Variants in ALG8 observed in about 807,000 individuals in gnomAD.
ALG8 encodes the protein ALG8 alpha-1,3-glucosyltransferase, also known as dolichyl pyrophosphate Glc1Man9GlcNAc2 alpha-1,3-glucosyltransferase.
ALG8 carries 48 observed loss-of-function variants against 70.2 expected under a neutral mutation model. The ratio of observed to expected loss-of-function variants is 0.68; its 90% CI spans 0.54 to 0.87. The LOEUF (loss-of-function observed/expected upper bound fraction) is 0.87. ALG8 is among the 40% of genes least tolerant of loss of function. The pLI is 0.00. For missense variants in ALG8, 572 were observed against 608.7 expected, an observed-to-expected ratio of 0.94 and a Z score of 0.64; for synonymous variants, 234 against 229.0, an observed-to-expected ratio of 1.02 and a Z score of -0.20.
At chr11:78,116,354 TG>T (rs1429894822) in intron 5 of ALG8, among the ~76,000 whole-genome samples, 3 of 148,516 alleles carry the variant, frequency 2.0e-5, no homozygotes, top group Admixed American at 2.0e-4. Context: ...TGGGTGACAA[TG>T]CAAGATGCTA....
chr11:78,109,294 T>C, intron 9 of ALG8, 148 bp downstream of exon 9: 1 of 1,067,744 alleles, frequency 9.4e-7, no homozygotes. Context: ...ACTCTAAGAA[T>C]TGCTAGGAAA....
At chr11:78,127,261 G>A in intron 2 of ALG8, 97 bp downstream of exon 2, 2 of 1,150,044 alleles carry the variant, frequency 1.7e-6, no homozygotes, top group Admixed American at 2.0e-5. Context: ...ACAAGCGTGA[G>A]CCACCGCACC....
At chr11:78,117,883 T>C (rs1860647744) in intron 5 of ALG8, among the ~76,000 whole-genome samples, 1 of 151,458 alleles carries the variant, frequency 6.6e-6, no homozygotes, top group Non-Finnish European at 1.5e-5. Context: ...GACCATACTG[T>C]AAATGGTGAA....
intron 12 of ALG8, among the ~76,000 whole-genome samples, chr11:78,101,953 T>C (rs1338330988): frequency 6.6e-6 from 1 of 152,212 alleles, no homozygotes; most frequent in African/African-American, 2.4e-5. Context: ...GCGATTCTCT[T>C]GCCTCAGCCT....
At chr11:78,125,471 A>G (rs1432587751) in intron 2 of ALG8, among the ~76,000 whole-genome samples, 2 of 151,822 alleles carry the variant, frequency 1.3e-5, no homozygotes, top group Non-Finnish European at 2.9e-5. Flanking sequence ...TTTGCCTTAA[A>G]AAAAACTCCC....
intron 12 of ALG8, among the ~76,000 whole-genome samples, chr11:78,101,488 C>T (rs1402964392): frequency 2.6e-5 from 4 of 151,956 alleles, no homozygotes; most frequent in Admixed American, 6.6e-5. Context: ...AATTAGCCGA[C>T]CAGGGTGGCA....
intron 11 of ALG8, 69 bp from the exon 12 acceptor site, chr11:78,104,121 T>TA (rs767271032): frequency 2.0e-5 from 21 of 1,061,006 alleles, no homozygotes; most frequent in East Asian, 1.2e-4. Context: ...CTGAAAGTAA[T>TA]ATAAGCACAC....
rs1213478373 is a variant in ALG8 at position 78,119,203 on chromosome 11, G to C, written c.525C>G (p.Leu175=). 6.2e-7 allele frequency: 1 copy of C among 1,611,204 alleles called. No homozygotes were observed. The highest frequency in any genetic ancestry group is 2.2e-5 in the East Asian group (1 of 44,786). The change falls in exon 5 of 13, where the codon CTC becomes CTG. Residue 175 remains leucine (L), a synonymous_variant. Coordinates refer to ENST00000299626, the MANE Select transcript of ALG8 (RefSeq NM_024079.5). ...YNGFLFGLML[L]SIARLFQKRH... ...TTACCTGAAATAATCGTGCAATGGA[G>C]AGTAGCATTAATCCAAATAAAAAGC...
At chr11:78,109,120 C>T (rs1490422483) in intron 9 of ALG8, among the ~76,000 whole-genome samples, 1 of 152,078 alleles carries the variant, frequency 6.6e-6, no homozygotes. Context: ...TCTGGATGTC[C>T]CTGCCACAAA....
chr11:78,117,802 C>T (rs1407876307), intron 5 of ALG8, among the ~76,000 whole-genome samples: 1 of 145,902 alleles, frequency 6.9e-6, no homozygotes, highest in African/African-American at 2.6e-5. Context: ...AGACCGGGAG[C>T]GGTGGCTCAC....
chr11:78,137,080 T>C (rs769617330), intron 1 of ALG8, among the ~76,000 whole-genome samples: 46 of 152,132 alleles, frequency 3.0e-4, no homozygotes, highest in Non-Finnish European at 3.8e-4. Context: ...TTTGTATTTT[T>C]AGTAGAGACG....
chr11:78,136,473 G>A (rs569184167), intron 1 of ALG8, among the ~76,000 whole-genome samples: 8 of 152,174 alleles, frequency 5.3e-5, no homozygotes, highest in African/African-American at 1.7e-4. Context: ...GGAGATTAAG[G>A]CTGCAGTGAG....
chr11:78,116,595 T>A lies in ALG8; in HGVS notation c.547-2203A>T, dbSNP rs1462756551. ...TTAGCCGGGAGTGGTGGTGTGCACCTGTGGTCCCAGCTAACTGGAGGCTGA... is the reference window on the plus strand; with the variant it reads ...TTAGCCGGGAGTGGTGGTGTGCACCAGTGGTCCCAGCTAACTGGAGGCTGA... On this transcript the variant is annotated intron_variant, in intron 5 of 12. Transcript: ENST00000299626. 3.9e-5 allele frequency among the ~76,000 whole-genome samples: 6 copies of A among 152,072 alleles called. No homozygotes were observed. The East Asian group carries it at 1.2e-3, about 29-fold the overall frequency.
At chr11:78,104,926 T>C (rs1266975295) in intron 10 of ALG8, among the ~76,000 whole-genome samples, 1 of 149,908 alleles carries the variant, frequency 6.7e-6, no homozygotes, top group Non-Finnish European at 1.5e-5. Context: ...ATCGCGCCAC[T>C]GCACTCCAGC....
rs761269699 is a variant in ALG8, at chr11:78,112,749, A to G, written c.799T>C (p.Ser267Pro). ...CCCCTCTTGAAAGGAAAGAGTCGGGAAAAGACTTGAGGCAGCTGATTCTGT... is the reference window on the plus strand; with the variant it reads ...CCCCTCTTGAAAGGAAAGAGTCGGGGAAAGACTTGAGGCAGCTGATTCTGT... ...LALNQLPQVF[S>P]RLFPFKRGLC... is the part of the protein sequence containing the mutation. Residue 267 changes from serine to proline, a missense_variant, in exon 8 of 13, where the codon TCC becomes CCC. Transcript: ENST00000299626. The G allele has an allele frequency of 2.5e-6, 4 of 1,613,686 alleles. No homozygotes were observed. In the South Asian group the frequency reaches 4.4e-5, roughly 18 times the overall value.
At chr11:78,136,323 C>A (rs1313172393) in intron 1 of ALG8, among the ~76,000 whole-genome samples, 2 of 150,516 alleles carry the variant, frequency 1.3e-5, no homozygotes, top group Non-Finnish European at 1.5e-5. Context: ...AAAAAACAAA[C>A]CAAAACAAAA....
At chr11:78,113,063 T>C (rs775675746) in intron 7 of ALG8, among the ~76,000 whole-genome samples, 45 of 152,320 alleles carry the variant, frequency 3.0e-4, no homozygotes, top group Admixed American at 7.2e-4. Flanking sequence ...CTGCAGCTTA[T>C]CCATGTCTAC....
intron 1 of ALG8, among the ~76,000 whole-genome samples, chr11:78,133,847 G>C (rs1033312438): frequency 3.3e-5 from 5 of 151,468 alleles, no homozygotes; most frequent in Non-Finnish European, 7.4e-5. Flanking sequence ...CTTGCAGTGA[G>C]CCGAGATAGC....
intron 3 of ALG8, 106 bp from the exon 4 acceptor site, chr11:78,121,280 T>G: frequency 3.9e-6 from 3 of 768,158 alleles, no homozygotes; most frequent in Admixed American, 4.8e-5. Flanking sequence ...ACAAACTACA[T>G]GCCATTCTTT....
Sources: allele counts gnomAD v4.1 joint callset (sites outside exome capture counted in the v4.1 genomes callset), GRCh38; gene constraint gnomAD v4.1.1; transcripts MANE v1.5; gene names NCBI Gene and HGNC (gene_info 2026-07-23, HGNC 2026-07-21).